NRG3: variants seen among roughly 807,000 people sequenced by gnomAD.
NRG3 encodes pro-neuregulin-3, membrane-bound isoform.
A neutral mutation model predicts 66.9 loss-of-function variants in NRG3; 31 were observed. The observed-to-expected ratio is 0.46, with a 90% CI of 0.35 to 0.63. The LOEUF (loss-of-function observed/expected upper bound fraction) is 0.63. Ranked by LOEUF, NRG3 falls within the 20% of genes least tolerant of loss-of-function variation. The pLI, the probability that NRG3 is intolerant of heterozygous loss-of-function variation, is 0.00. For missense variants in NRG3, 910 were observed against 878.9 expected (o/e 1.04, Z -0.45); for synonymous variants, 393 against 359.4 (o/e 1.09, Z -1.06).
chr10:82,094,170 A>G (rs910382551), intron 1 of NRG3, among the ~76,000 whole-genome samples: 9 of 152,238 alleles, frequency 5.9e-5, no homozygotes, highest in African/African-American at 1.9e-4. Context: ...AAATATGTCT[A>G]CATAATAAAA....
chr10:82,825,157 A>G lies in NRG3; in HGVS notation c.1028-40254A>G, dbSNP rs961579197. ...TCATGGTGTTCTTTAAAGTACAAAC[A>G]TTTGTCATTTTGATGAAGTCAGGTC... On this transcript the variant is annotated intron_variant, in intron 3 of 8. Coordinates refer to ENST00000372141, the MANE Select transcript of NRG3 (RefSeq NM_001010848.4). Among the ~76,000 whole-genome samples, 21 of 152,152 alleles carry G rather than the reference A, an allele frequency of 1.4e-4. 1 individual carries two copies. The highest frequency in any genetic ancestry group is 3.9e-4 in the African/African-American group (16 of 41,442).
chr10:81,900,278 TA>T (rs1843929533), intron 1 of NRG3, among the ~76,000 whole-genome samples: 1 of 58,152 alleles, frequency 1.7e-5, no homozygotes, highest in African/African-American at 3.8e-4. Context: ...TATAAGTGCC[TA>T]GCGGGATTAC....
intron 2 of NRG3, among the ~76,000 whole-genome samples, chr10:82,540,547 G>A (rs1038629976): frequency 2.0e-5 from 3 of 151,872 alleles, no homozygotes; most frequent in African/African-American, 7.3e-5. Flanking sequence ...TGTGAATGTT[G>A]GATGGCAGGC....
intron 1 of NRG3, among the ~76,000 whole-genome samples, chr10:82,162,912 A>G (rs931838487): frequency 6.6e-6 from 1 of 152,176 alleles, no homozygotes. Flanking sequence ...CTCCTCCTCT[A>G]ATTAACAGCT....
intron 1 of NRG3, among the ~76,000 whole-genome samples, chr10:81,939,568 G>A (rs1589530731): frequency 6.6e-6 from 1 of 151,392 alleles, no homozygotes; most frequent in Non-Finnish European, 1.5e-5. Context: ...ATTAGTTATA[G>A]CAATATCTTA....
intron 2 of NRG3, among the ~76,000 whole-genome samples, chr10:82,601,725 GTAGA>G (rs1268788561): frequency 6.6e-6 from 1 of 150,876 alleles, no homozygotes; most frequent in East Asian, 2.0e-4. Flanking sequence ...TTAAAGTATG[GTAGA>G]TAGAGTGTGG....
intron 3 of NRG3, among the ~76,000 whole-genome samples, chr10:82,758,887 TAA>T (rs879445041): frequency 7.8e-5 from 11 of 140,558 alleles, no homozygotes; most frequent in African/African-American, 1.0e-4. Flanking sequence ...CAGTGAATGT[TAA>T]AAAAAAAAAA....
chr10:82,379,092 G>T (rs548097864), intron 2 of NRG3, among the ~76,000 whole-genome samples: 4 of 152,266 alleles, frequency 2.6e-5, no homozygotes, highest in South Asian at 2.1e-4. Flanking sequence ...GCACCCAAAG[G>T]AGTGTTTCTT....
intron 2 of NRG3, among the ~76,000 whole-genome samples, chr10:82,706,357 G>A (rs536476592): frequency 3.7e-4 from 57 of 152,172 alleles, no homozygotes; most frequent in Non-Finnish European, 6.6e-4. Context: ...CTTTATATAC[G>A]TTATTTCCAT....
intron 5 of NRG3, among the ~76,000 whole-genome samples, chr10:82,954,376 GCT>G (rs1849827626): frequency 6.6e-6 from 1 of 151,896 alleles, no homozygotes; most frequent in South Asian, 2.1e-4. Context: ...CAGCAAGAGG[GCT>G]CTGAGATCAA....
chr10:82,807,843 T>C lies in NRG3; in HGVS notation c.1028-57568T>C, dbSNP rs1272970544. ...TCATATGGCATACTTTTTAAATAAA[T>C]TTATTTCATTTATTTTTTCACAAAA... On this transcript the variant is annotated intron_variant, in intron 3 of 8. Transcript: ENST00000372141. 5.3e-5 allele frequency among the ~76,000 whole-genome samples: 8 copies of C among 152,198 alleles called. 1 individual carries two copies. Among genetic ancestry groups the C allele is most frequent in the Admixed American group, 5.2e-4 (8 of 15,276 alleles).
chr10:82,589,358 A>G (rs1481854453), intron 2 of NRG3, among the ~76,000 whole-genome samples: 1 of 152,194 alleles, frequency 6.6e-6, no homozygotes, highest in East Asian at 1.9e-4. Context: ...TTGAAGGTGT[A>G]TCACTCAATT....
At chr10:82,328,360 AAAATT>A (rs1423162658) in intron 1 of NRG3, among the ~76,000 whole-genome samples, 3 of 152,218 alleles carry the variant, frequency 2.0e-5, no homozygotes, top group Non-Finnish European at 4.4e-5. Context: ...AGGAATTTTT[AAAATT>A]AAATTAAAGT....
chr10:82,593,766 AG>A (rs1372212569), intron 2 of NRG3, among the ~76,000 whole-genome samples: 1 of 152,026 alleles, frequency 6.6e-6, no homozygotes, highest in Admixed American at 6.6e-5. Flanking sequence ...TAAAACTATC[AG>A]GTATTAAATA....
intron 2 of NRG3, among the ~76,000 whole-genome samples, chr10:82,368,065 T>C (rs2084654346): frequency 9.5e-6 from 1 of 104,806 alleles, no homozygotes; most frequent in South Asian, 2.5e-4. Flanking sequence ...TCAGTTTTCT[T>C]ATCTGTGAAG....
intron 1 of NRG3, among the ~76,000 whole-genome samples, chr10:82,153,579 G>T (rs920044719): frequency 2.0e-5 from 3 of 151,978 alleles, no homozygotes; most frequent in African/African-American, 7.2e-5. Flanking sequence ...CATATACTCC[G>T]TAGATGGATT....
At chr10:82,032,824 A>G (rs769875896) in intron 1 of NRG3, among the ~76,000 whole-genome samples, 6 of 152,204 alleles carry the variant, frequency 3.9e-5, no homozygotes, top group African/African-American at 1.4e-4. Context: ...TTTATTCTCC[A>G]AGGCCTAAGT....
At chr10:82,290,837 G>C (rs1353866688) in intron 1 of NRG3, among the ~76,000 whole-genome samples, 3 of 151,200 alleles carry the variant, frequency 2.0e-5, no homozygotes, top group African/African-American at 7.3e-5. Flanking sequence ...TAGAGACGGG[G>C]TTTCACCATG....
At chr10:82,222,802 C>T (rs1327295631) in intron 1 of NRG3, among the ~76,000 whole-genome samples, 4 of 152,128 alleles carry the variant, frequency 2.6e-5, no homozygotes. Flanking sequence ...CAATCTGGCT[C>T]TTCAGTGCCC....
Sources: gnomAD v4.1 joint callset for allele counts (sites outside exome capture counted in the v4.1 genomes callset) on GRCh38, gnomAD v4.1.1 for gene constraint, MANE v1.5 for transcripts, NCBI Gene and HGNC (gene_info 2026-07-23, HGNC 2026-07-21) for gene names.